Variants in MBNL2 observed in about 807,000 individuals in gnomAD.
MBNL2 encodes muscleblind-like protein 2.
Under a neutral mutation model 41.9 loss-of-function variants are expected in MBNL2, and 17 were observed. The ratio of observed to expected loss-of-function variants is 0.41; its 90% CI spans 0.28 to 0.61. The LOEUF is 0.61. Among genes scored for constraint, MBNL2 ranks in the 20% least tolerant of loss-of-function variants. The pLI, the probability that MBNL2 is intolerant of heterozygous loss-of-function variation, is 0.35. For synonymous variants in MBNL2, 195 were observed against 182.9 expected (o/e 1.07, Z -0.53); for missense variants, 336 against 505.6 (o/e 0.66, Z 3.22).
At chr13:97,321,052 C>T (rs1458995408) in intron 2 of MBNL2, among the ~76,000 whole-genome samples, 1 of 152,144 alleles carries the variant, frequency 6.6e-6, no homozygotes, top group Non-Finnish European at 1.5e-5. Flanking sequence ...TAATGTCCTC[C>T]CTGTAACTTG....
chr13:97,292,938 T>G (rs536855858), intron 2 of MBNL2, among the ~76,000 whole-genome samples: 6 of 152,268 alleles, frequency 3.9e-5, no homozygotes, highest in African/African-American at 1.4e-4. Context: ...TTTGTTTTCC[T>G]TTTATTTTTT....
At chr13:97,156,306 C>A in the MBNL2 span, among the ~76,000 whole-genome samples, 2 of 143,826 alleles carry the variant, frequency 1.4e-5, no homozygotes, top group Non-Finnish European at 3.0e-5. Context: ...AGCCCTTTGT[C>A]AGGTGAGTAG....
rs76551275 is a variant in MBNL2 at position 97,380,269 on chromosome 13, G to A, written c.1049-11053G>A. Among the ~76,000 whole-genome samples the A allele has an allele frequency of 4.0e-3, 610 of 152,180 alleles. 2 individuals are homozygous for A. Among genetic ancestry groups the A allele is most frequent in the Admixed American group, 5.6e-3 (85 of 15,280 alleles). Reference sequence around the variant, plus strand: ...AACACTTTGGGAGGCTGAGGTGGGCGGATCACATGAGATCAGGAATTTGAG... The same window carrying A: ...AACACTTTGGGAGGCTGAGGTGGGCAGATCACATGAGATCAGGAATTTGAG... On this transcript the variant is annotated intron_variant, in intron 8 of 8. Coordinates refer to ENST00000679496, the MANE Select transcript of MBNL2 (RefSeq NM_001382683.1).
chr13:97,218,078 G>C (rs2040522105), upstream of MBNL2, among the ~76,000 whole-genome samples: 1 of 152,078 alleles, frequency 6.6e-6, no homozygotes, highest in Non-Finnish European at 1.5e-5. Flanking sequence ...TTTAGTTTGG[G>C]ACAAGGTAAA....
intron 1 of MBNL2, among the ~76,000 whole-genome samples, chr13:97,272,825 T>C (rs1416772874): frequency 1.3e-5 from 2 of 152,238 alleles, no homozygotes; most frequent in African/African-American, 4.8e-5. Context: ...ACAGTTTTTG[T>C]CAATTCAAAT....
intron 5 of MBNL2, among the ~76,000 whole-genome samples, chr13:97,355,240 G>A (rs141924758): frequency 9.2e-4 from 140 of 152,122 alleles, no homozygotes; most frequent in Admixed American, 1.8e-3. Context: ...TCCATTGGCC[G>A]TTCTAAATCT....
intron 2 of MBNL2, among the ~76,000 whole-genome samples, chr13:97,300,362 T>G (rs757203631): frequency 5.3e-5 from 8 of 152,084 alleles, no homozygotes; most frequent in Non-Finnish European, 5.9e-5. Context: ...ATCCCCAACG[T>G]TTTTGGCATC....
At chr13:97,201,844 G>A in the MBNL2 span, among the ~76,000 whole-genome samples, 3 of 152,230 alleles carry the variant, frequency 2.0e-5, no homozygotes, top group Non-Finnish European at 2.9e-5. Flanking sequence ...GAAATATATG[G>A]CCTAAGCAAC....
intron 7 of MBNL2, among the ~76,000 whole-genome samples, chr13:97,358,885 AT>A (rs1435910471): frequency 1.3e-5 from 2 of 152,058 alleles, no homozygotes; most frequent in African/African-American, 4.8e-5. Flanking sequence ...GAGGTAAAAT[AT>A]TTCTGTGATA....
chr13:97,186,828 T>TTGATCATACACCAAAAAAATC, the MBNL2 span, among the ~76,000 whole-genome samples: 4 of 152,186 alleles, frequency 2.6e-5, no homozygotes, highest in African/African-American at 9.7e-5. Flanking sequence ...CATTGATATT[T>TTGATCATACACCAAAAAAATC]TGATCATACA....
At chr13:97,386,761 A>G (rs953636987) in intron 8 of MBNL2, among the ~76,000 whole-genome samples, 18 of 152,190 alleles carry the variant, frequency 1.2e-4, no homozygotes, top group African/African-American at 2.4e-5. Flanking sequence ...TAACTTGAGA[A>G]CGTATATTGA....
chr13:97,375,969 C>T (rs2064929006), intron 8 of MBNL2, among the ~76,000 whole-genome samples: 1 of 151,988 alleles, frequency 6.6e-6, no homozygotes, highest in African/African-American at 2.4e-5. Context: ...CTGAGTGGAT[C>T]AGAAGGTCGG....
chr13:97,331,063 A>G (rs1439811642), intron 2 of MBNL2, among the ~76,000 whole-genome samples: 2 of 152,228 alleles, frequency 1.3e-5, no homozygotes, highest in East Asian at 3.8e-4. Flanking sequence ...GTTTGGTGTG[A>G]AAGTTTATTC....
chr13:97,225,538 A>G (rs180848446), intron 1 of MBNL2, among the ~76,000 whole-genome samples: 4 of 152,248 alleles, frequency 2.6e-5, no homozygotes, highest in African/African-American at 7.2e-5. Context: ...GCTACATGTC[A>G]GAGCTGGCTG....
chr13:97,244,007 G>C (rs2044894613), intron 1 of MBNL2, among the ~76,000 whole-genome samples: 1 of 152,118 alleles, frequency 6.6e-6, no homozygotes, highest in South Asian at 2.1e-4. Context: ...ACACACTCTG[G>C]TTCTTGATCA....
chr13:97,218,469 A>G (rs1326616948), upstream of MBNL2, among the ~76,000 whole-genome samples: 1 of 147,534 alleles, frequency 6.8e-6, no homozygotes, highest in Non-Finnish European at 1.5e-5. Flanking sequence ...CTAGAGGTCA[A>G]AAGAAAAGGA....
intron 8 of MBNL2, among the ~76,000 whole-genome samples, chr13:97,383,949 G>T (rs932815063): frequency 6.6e-6 from 1 of 151,026 alleles, no homozygotes; most frequent in African/African-American, 2.4e-5. Flanking sequence ...GCCCAGGCTG[G>T]AGTGTGGTGG....
chr13:97,381,977 C>T (rs1594294959), intron 8 of MBNL2, among the ~76,000 whole-genome samples: 1 of 152,122 alleles, frequency 6.6e-6, no homozygotes, highest in African/African-American at 2.4e-5. Flanking sequence ...AATGTTTTCT[C>T]AGATTCTACT....
chr13:97,374,187 G>T (rs1013403123), intron 8 of MBNL2, among the ~76,000 whole-genome samples: 11 of 149,828 alleles, frequency 7.3e-5, no homozygotes, highest in African/African-American at 2.7e-4. Flanking sequence ...TCGCTCTGTC[G>T]CCCAGGCTGG....
Sources: gnomAD v4.1 joint callset for allele counts (sites outside exome capture counted in the v4.1 genomes callset) on GRCh38, gnomAD v4.1.1 for gene constraint, MANE v1.5 for transcripts, NCBI Gene and HGNC (gene_info 2026-07-23, HGNC 2026-07-21) for gene names.